Variants in SOX5 observed in about 807,000 individuals in gnomAD.
SOX5 encodes the protein SRY-box transcription factor 5, also known as transcription factor SOX-5.
SOX5 carries 9 observed loss-of-function variants against 92.0 expected under a neutral mutation model. The observed-to-expected ratio is 0.10, with a 90% CI of 0.06 to 0.17. The LOEUF (loss-of-function observed/expected upper bound fraction) is 0.17. Among genes scored for constraint, SOX5 ranks in the 10% least tolerant of loss-of-function variants. SOX5 has a pLI of 1.00. For synonymous variants in SOX5, 344 were observed against 336.3 expected (o/e 1.02, Z -0.25); for missense variants, 642 against 944.5 (o/e 0.68, Z 4.20).
intron 4 of SOX5, among the ~76,000 whole-genome samples, chr12:24,207,262 A>C (rs1200988460): frequency 6.6e-6 from 1 of 152,222 alleles, no homozygotes; most frequent in Non-Finnish European, 1.5e-5. Context: ...AACCAACTTG[A>C]GGAAATGTAG....
intron 1 of SOX5, among the ~76,000 whole-genome samples, chr12:24,500,410 T>C (rs906172941): frequency 6.6e-6 from 1 of 151,950 alleles, no homozygotes; most frequent in South Asian, 2.1e-4. Flanking sequence ...GATAACAGAA[T>C]TGAAAGAAAA....
intron 4 of SOX5, among the ~76,000 whole-genome samples, chr12:24,125,150 T>C (rs540268391): frequency 7.2e-5 from 11 of 152,352 alleles, no homozygotes; most frequent in African/African-American, 2.4e-4. Flanking sequence ...AAAACTTCTG[T>C]GTATGAATTT....
intron 3 of SOX5, among the ~76,000 whole-genome samples, chr12:23,795,956 G>A (rs11047104): frequency 0.078 from 11,903 of 152,114 alleles, 677 homozygotes; most frequent in East Asian, 0.2. Context: ...AAGTCTGGGC[G>A]ACAAGGTCAA....
At chr12:24,438,436 A>AT (rs1186985672) in intron 1 of SOX5, among the ~76,000 whole-genome samples, 11 of 152,248 alleles carry the variant, frequency 7.2e-5, no homozygotes, top group Admixed American at 6.5e-4. Flanking sequence ...ATAGTTAAAA[A>AT]AAATATACAT....
At chr12:23,860,277 C>CATGT (rs1166205577) in intron 2 of SOX5, among the ~76,000 whole-genome samples, 1 of 144,436 alleles carries the variant, frequency 6.9e-6, no homozygotes, top group Non-Finnish European at 1.5e-5. Context: ...CAAACCTTCA[C>CATGT]ATGTACCCCC....
intron 4 of SOX5, among the ~76,000 whole-genome samples, chr12:24,085,491 C>T (rs1000518654): frequency 6.6e-6 from 1 of 152,040 alleles, no homozygotes; most frequent in Admixed American, 6.6e-5. Flanking sequence ...TTAGCTTCAA[C>T]AAATTATTGG....
intron 11 of SOX5, among the ~76,000 whole-genome samples, chr12:23,555,343 G>T (rs1030771811): frequency 1.3e-5 from 2 of 151,880 alleles, no homozygotes; most frequent in Non-Finnish European, 2.9e-5. Context: ...GCCCAATTTG[G>T]CATGCCCTAT....
At chr12:23,719,786 A>AT (rs2092705330) in intron 6 of SOX5, among the ~76,000 whole-genome samples, 1 of 116,660 alleles carries the variant, frequency 8.6e-6, no homozygotes, top group Non-Finnish European at 1.7e-5. Context: ...CCAGCTATTT[A>AT]CCAAAAAAAA....
chr12:23,939,147 T>C (rs1315911058), intron 1 of SOX5, among the ~76,000 whole-genome samples: 2 of 151,056 alleles, frequency 1.3e-5, no homozygotes, highest in Admixed American at 6.6e-5. Context: ...ACCCAAACGA[T>C]GCAAGTGACT....
At chr12:24,402,858 T>G (rs1217763581) in intron 1 of SOX5, among the ~76,000 whole-genome samples, 1 of 152,230 alleles carries the variant, frequency 6.6e-6, no homozygotes, top group Non-Finnish European at 1.5e-5. Flanking sequence ...TATTTCAGCT[T>G]CTTGGTTTAT....
At chr12:23,628,087 G>A (rs973074342) in intron 8 of SOX5, among the ~76,000 whole-genome samples, 6 of 152,052 alleles carry the variant, frequency 3.9e-5, no homozygotes, top group African/African-American at 1.4e-4. Context: ...TAAAGAATGT[G>A]TAAGGGCGTT....
At chr12:23,806,366 A>G (rs1003437173) in intron 3 of SOX5, among the ~76,000 whole-genome samples, 10 of 152,202 alleles carry the variant, frequency 6.6e-5, no homozygotes, top group Middle Eastern at 3.4e-3. Flanking sequence ...CTCCTCCCCA[A>G]TCTGGAGCAC....
chr12:24,267,949 T>C (rs1318527015), intron 3 of SOX5, among the ~76,000 whole-genome samples: 2 of 152,202 alleles, frequency 1.3e-5, no homozygotes, highest in East Asian at 1.9e-4. Context: ...TGAAAAGCCA[T>C]AGCAAAAAAA....
chr12:24,465,971 T>A lies in SOX5; in HGVS notation c.-251+96358A>T, dbSNP rs975148546. On this transcript the variant is annotated intron_variant, in intron 1 of 4. Coordinates refer to the SOX5 transcript ENST00000446891. ...CCACCTTCGTCTACTAATAATACTA[T>A]GATTTATAGTAACATTTACACTAAT... is the stretch of plus-strand genomic sequence containing the variant. Among the ~76,000 whole-genome samples the A allele has an allele frequency of 3.3e-5, 5 of 152,334 alleles. No individual in the cohort carries two copies. The East Asian group carries it at 7.7e-4, about 24-fold the overall frequency.
upstream of SOX5, chr12:23,949,709 C>A (rs1350040650): frequency 6.4e-7 from 1 of 1,560,168 alleles, no homozygotes; most frequent in East Asian, 2.4e-5. Context: ...TTCTCTCTGT[C>A]TCTTCCCCCC....
intron 4 of SOX5, among the ~76,000 whole-genome samples, chr12:24,026,599 C>G (rs200549363): frequency 1.6e-5 from 2 of 123,824 alleles, no homozygotes; most frequent in Non-Finnish European, 3.4e-5. Context: ...GAAAAAAAAG[C>G]AAAAAAAAAA....
chr12:23,563,957 T>C (rs1172795456), intron 10 of SOX5, among the ~76,000 whole-genome samples: 1 of 152,170 alleles, frequency 6.6e-6, no homozygotes, highest in Non-Finnish European at 1.5e-5. Flanking sequence ...TATGGTGAAA[T>C]AAACCACAGG....
intron 4 of SOX5, among the ~76,000 whole-genome samples, chr12:23,750,822 G>C (rs2094157022): frequency 1.3e-5 from 2 of 151,866 alleles, no homozygotes; most frequent in Non-Finnish European, 2.9e-5. Context: ...CAACTGGACT[G>C]TCAATATACA....
intron 3 of SOX5, among the ~76,000 whole-genome samples, chr12:24,273,978 T>C (rs143709194): frequency 6.6e-6 from 1 of 152,320 alleles, no homozygotes; most frequent in African/African-American, 2.4e-5. Flanking sequence ...CTTCATTTCA[T>C]TGTGGTACAA....
Sources: allele counts gnomAD v4.1 joint callset (sites outside exome capture counted in the v4.1 genomes callset), GRCh38; gene constraint gnomAD v4.1.1; transcripts MANE v1.5; gene names NCBI Gene and HGNC (gene_info 2026-07-23, HGNC 2026-07-21).